The following SERINC5 variants were observed in gnomAD, a reference collection of about 807,000 sequenced individuals.
SERINC5 encodes chromosome 5 open reading frame 12.
SERINC5 carries 41 observed loss-of-function variants against 63.1 expected under a neutral mutation model. The observed-to-expected ratio is 0.65, with a 90% CI of 0.51 to 0.84. The LOEUF (loss-of-function observed/expected upper bound fraction) is 0.84. Ranked by LOEUF, SERINC5 falls within the 40% of genes least tolerant of loss-of-function variation. SERINC5 has a pLI of 0.00. For synonymous variants in SERINC5, 222 were observed against 215.2 expected, an observed-to-expected ratio of 1.03 and a Z score of -0.28; for missense variants, 523 against 573.0, an observed-to-expected ratio of 0.91 and a Z score of 0.89.
chr5:80,235,189 G>C (rs1040602468), intron 1 of SERINC5, among the ~76,000 whole-genome samples: 1 of 152,136 alleles, frequency 6.6e-6, no homozygotes, highest in Non-Finnish European at 1.5e-5. Flanking sequence ...TTGTCCTTTT[G>C]TGACTTTTAT....
chr5:80,178,537 A>ATTTTTTTTTTT (rs1182662594), intron 2 of SERINC5, among the ~76,000 whole-genome samples: 3 of 77,560 alleles, frequency 3.9e-5, no homozygotes, highest in Non-Finnish European at 2.4e-5. Context: ...TAATTTTTGT[A>ATTTTTTTTTTT]TTTTTTTTTT....
chr5:80,183,139 C>CTTGAAGCACAAGTTGA (rs546057780), intron 2 of SERINC5, among the ~76,000 whole-genome samples: 4,616 of 152,244 alleles, frequency 0.03, 241 homozygotes, highest in African/African-American at 0.1. Context: ...CCACTGGGAA[C>CTTGAAGCACAAGTTGA]AGGTGAAGAA....
intron 8 of SERINC5, among the ~76,000 whole-genome samples, chr5:80,151,754 GTCAGGCCCGAT>G (rs1293861289): frequency 6.6e-6 from 1 of 152,164 alleles, no homozygotes; most frequent in Admixed American, 6.5e-5. Flanking sequence ...GCCACTATGT[GTCAGGCCCGAT>G]TCTAAGCACT....
At chr5:80,242,870 C>T (rs958427524) in intron 1 of SERINC5, among the ~76,000 whole-genome samples, 2 of 152,188 alleles carry the variant, frequency 1.3e-5, no homozygotes, top group Non-Finnish European at 2.9e-5. Flanking sequence ...TTGCAGTGAG[C>T]CAAGATCAGG....
chr5:80,243,069 C>CA (rs1752017775), intron 1 of SERINC5, among the ~76,000 whole-genome samples: 1 of 152,232 alleles, frequency 6.6e-6, no homozygotes, highest in Non-Finnish European at 1.5e-5. Context: ...TTGTCGATCT[C>CA]AGTCGTGGGC....
intron 2 of SERINC5, among the ~76,000 whole-genome samples, chr5:80,180,330 T>C (rs1209710881): frequency 6.6e-6 from 1 of 152,004 alleles, no homozygotes; most frequent in Admixed American, 6.6e-5. Flanking sequence ...CTATTATTCA[T>C]AAGAAAAATA....
At chr5:80,227,661 A>C (rs1481651510) in intron 1 of SERINC5, among the ~76,000 whole-genome samples, 1 of 151,744 alleles carries the variant, frequency 6.6e-6, no homozygotes, top group South Asian at 2.1e-4. Flanking sequence ...TGACTACCTG[A>C]TTTTTGCAGT....
At chr5:80,173,274 GAAGGAAGA>G (rs1301077743) in intron 5 of SERINC5, among the ~76,000 whole-genome samples, 28 of 133,574 alleles carry the variant, frequency 2.1e-4, no homozygotes, top group African/African-American at 8.1e-4. Flanking sequence ...AGGAAGGAAG[GAAGGAAGA>G]AAATGAAATG....
chr5:80,138,269 C>G (rs150122977), downstream of SERINC5, among the ~76,000 whole-genome samples: 935 of 152,092 alleles, frequency 6.1e-3, 6 homozygotes, highest in African/African-American at 0.021. Flanking sequence ...AACACGGTGA[C>G]TAGAGTTAGG....
intron 2 of SERINC5, among the ~76,000 whole-genome samples, chr5:80,188,118 G>A (rs537309929): frequency 2.6e-5 from 4 of 151,774 alleles, no homozygotes; most frequent in South Asian, 4.2e-4. Context: ...CCCCGTCTCT[G>A]CTAAAAAATA....
At chr5:80,150,976 G>A (rs1746145662) in intron 8 of SERINC5, 28 bp from the exon 9 acceptor site, 2 of 1,572,152 alleles carry the variant, frequency 1.3e-6, no homozygotes, top group Non-Finnish European at 1.8e-6. Flanking sequence ...ACGTCAGCTG[G>A]GCATATTAAC....
chr5:80,131,205 T>C (rs1307361340), intron 11 of SERINC5, among the ~76,000 whole-genome samples: 1 of 152,140 alleles, frequency 6.6e-6, no homozygotes, highest in Non-Finnish European at 1.5e-5. Flanking sequence ...ACTGGGTCTT[T>C]CCCATGCTGT....
At chr5:80,207,144 G>A (rs1442957456) in intron 1 of SERINC5, among the ~76,000 whole-genome samples, 7 of 151,860 alleles carry the variant, frequency 4.6e-5, no homozygotes, top group African/African-American at 2.4e-5. Flanking sequence ...GACTACAGGC[G>A]CCCGCCACCA....
intron 8 of SERINC5, among the ~76,000 whole-genome samples, chr5:80,153,159 T>C (rs1746294660): frequency 6.6e-6 from 1 of 152,030 alleles, no homozygotes; most frequent in South Asian, 2.1e-4. Flanking sequence ...TACCCTACAT[T>C]AAGATCTTTA....
Position 80,138,761 on chromosome 5 carries a change from A to G in SERINC5, c.*4902T>C, listed in dbSNP as rs1745328281. 1 of 954,702 alleles carries G rather than the reference A, an allele frequency of 1.0e-6. No individual in the cohort carries two copies. The highest frequency in any genetic ancestry group is 1.2e-6 in the Non-Finnish European group (1 of 802,050). 59.1% of individuals were successfully genotyped at this position (954,702 alleles called of 1,614,324 possible). A position where few individuals can be genotyped will look rare whatever the true frequency, so the allele number is the denominator to read the frequency against. ...ACAGATATATATCTTTTATTTGTCA[A>G]TTAAAGGATCAGCATAGACTCCATG... On this transcript the variant is annotated 3_prime_UTR_variant, in exon 12 of 12. Transcript: ENST00000507668.
intron 7 of SERINC5, among the ~76,000 whole-genome samples, chr5:80,161,006 G>GTATATATACGTGTATATGTA (rs1352381586): frequency 3.4e-5 from 5 of 147,070 alleles, no homozygotes; most frequent in South Asian, 2.1e-4. Flanking sequence ...ATATATACGT[G>GTATATATACGTGTATATGTA]TATATATACG....
chr5:80,244,937 C>T (rs1752106828), intron 1 of SERINC5, among the ~76,000 whole-genome samples: 2 of 152,194 alleles, frequency 1.3e-5, no homozygotes, highest in Admixed American at 1.3e-4. Context: ...GATCCTCCCA[C>T]CTCAGCCTCC....
In SERINC5 at chr5:80,141,392, G is replaced by A. The variant is rs1745495686; in HGVS notation, c.*2271C>T. 1 of 985,452 alleles carries A rather than the reference G, an allele frequency of 1.0e-6. No homozygotes were observed. Among genetic ancestry groups the A allele is most frequent in the Non-Finnish European group, 1.2e-6 (1 of 829,944 alleles). 61.0% of individuals were successfully genotyped at this position (985,452 alleles called of 1,614,324 possible). A position where few individuals can be genotyped will look rare whatever the true frequency, so the allele number is the denominator to read the frequency against. ...GCTTCCCTAAGCTGCTTTCTGCAGA[G>A]GAAAGGGCCAATCACGGCCAGCCAA... On this transcript the variant is annotated 3_prime_UTR_variant, in exon 12 of 12. Coordinates refer to ENST00000507668, the MANE Select transcript of SERINC5 (RefSeq NM_001174072.3).
At chr5:80,152,842 G>A (rs1411780054) in intron 8 of SERINC5, among the ~76,000 whole-genome samples, 2 of 152,198 alleles carry the variant, frequency 1.3e-5, no homozygotes, top group Non-Finnish European at 2.9e-5. Context: ...TCAGGGGGCT[G>A]AGGCAGGAAA....
Sources: gnomAD v4.1 joint callset for allele counts (sites outside exome capture counted in the v4.1 genomes callset) on GRCh38, gnomAD v4.1.1 for gene constraint, MANE v1.5 for transcripts, NCBI Gene and HGNC (gene_info 2026-07-23, HGNC 2026-07-21) for gene names.